Variants in GLP2R observed in about 807,000 individuals in gnomAD.
GLP2R encodes glucagon-like peptide 2 receptor.
In GLP2R, 59 loss-of-function variants were observed where a neutral mutation model predicts 68.2. That is an observed-to-expected ratio of 0.87 (90% confidence interval 0.70 to 1.07). GLP2R has a LOEUF of 1.07. Ranked by LOEUF, GLP2R falls within the 50% of genes least tolerant of loss-of-function variation. The pLI is 0.00. For synonymous variants in GLP2R, 270 were observed against 265.4 expected (o/e 1.02, Z -0.17); for missense variants, 548 against 677.4 (o/e 0.81, Z 2.12).
intron 11 of GLP2R, among the ~76,000 whole-genome samples, chr17:9,882,875 A>G (rs944229137): frequency 3.9e-5 from 6 of 152,002 alleles, no homozygotes; most frequent in Non-Finnish European, 7.4e-5. Context: ...CACTCCAGGG[A>G]TGGGGACTGG....
chr17:9,825,941 C>T lies in GLP2R; in HGVS notation c.-123C>T, dbSNP rs1306109609. 10 of 787,214 alleles carry T rather than the reference C, an allele frequency of 1.3e-5. No individual in the cohort carries two copies. Among genetic ancestry groups the T allele is most frequent in the Non-Finnish European group, 2.0e-5 (10 of 490,422 alleles). The allele number at this position is 787,214 out of a possible 1,614,324, so 48.8% of individuals were successfully genotyped here. Reference sequence around the variant, plus strand: ...ACCGCCTCAGACACTCTCGGCGCAGCGTGGAGAGGATTTGTGCAAACATTT... The same window carrying T: ...ACCGCCTCAGACACTCTCGGCGCAGTGTGGAGAGGATTTGTGCAAACATTT... On this transcript the variant is annotated 5_prime_UTR_variant, in exon 1 of 13. Transcript: ENST00000262441.
In GLP2R at chr17:9,826,162, G is replaced by A. The variant is rs1296676021; in HGVS notation, c.99G>A (p.Gly33=). ...CCATGGGCATCCCTGCCCCCTGGGG[G>A]ACCAGTCCTCTCTCCTTCCACAGGA... ...ELPMGIPAPW[G]TSPLSFHRKC... is the part of the protein sequence containing the mutation. Residue 33 remains glycine (G), a synonymous_variant, in exon 1 of 13, where the codon GGG becomes GGA. Transcript: ENST00000262441. 7 of 1,612,948 alleles carry A rather than the reference G, an allele frequency of 4.3e-6. No individual in the cohort carries two copies. In the East Asian group the frequency reaches 6.7e-5, roughly 15 times the overall value.
intron 4 of GLP2R, among the ~76,000 whole-genome samples, chr17:9,844,446 C>T (rs186851018): frequency 7.0e-4 from 107 of 151,880 alleles, no homozygotes; most frequent in South Asian, 2.7e-3. Context: ...AGGAAGAGAG[C>T]GCCCAGGGGT....
At chr17:9,860,462 A>G (rs1431056410) in intron 7 of GLP2R, among the ~76,000 whole-genome samples, 1 of 152,178 alleles carries the variant, frequency 6.6e-6, no homozygotes, top group Non-Finnish European at 1.5e-5. Context: ...GAGGGTGGGA[A>G]GTTCACCATG....
chr17:9,870,966 G>A, intron 10 of GLP2R, 131 bp downstream of exon 10: 1 of 622,548 alleles, frequency 1.6e-6, no homozygotes, highest in Admixed American at 2.8e-5. Context: ...CTGGGAAGGT[G>A]CTATAGGATC....
At chr17:9,879,137 A>G (rs1490640509) in intron 10 of GLP2R, among the ~76,000 whole-genome samples, 1 of 151,838 alleles carries the variant, frequency 6.6e-6, no homozygotes, top group African/African-American at 2.4e-5. Context: ...ACATCCAGCC[A>G]GGTGCAGTGG....
At chr17:9,847,405 G>A (rs1057094074) in intron 4 of GLP2R, among the ~76,000 whole-genome samples, 26 of 152,112 alleles carry the variant, frequency 1.7e-4, no homozygotes, top group Non-Finnish European at 3.1e-4. Context: ...GAGTAGCTGG[G>A]ACTACAGGGG....
intron 4 of GLP2R, among the ~76,000 whole-genome samples, chr17:9,843,250 G>A (rs554414561): frequency 1.8e-3 from 280 of 152,242 alleles, no homozygotes; most frequent in African/African-American, 6.0e-3. Flanking sequence ...GAAACGAAAC[G>A]TCCCTTATCC....
intron 10 of GLP2R, among the ~76,000 whole-genome samples, chr17:9,871,721 CTT>C (rs372099240): frequency 0.13 from 13,298 of 101,794 alleles, 513 homozygotes; most frequent in East Asian, 0.39. Flanking sequence ...TACTTTCTTT[CTT>C]TTTTTTTTTT....
intron 4 of GLP2R, among the ~76,000 whole-genome samples, chr17:9,847,511 G>A (rs2152035751): frequency 6.6e-6 from 1 of 152,170 alleles, no homozygotes; most frequent in Admixed American, 6.5e-5. Flanking sequence ...CTCGTGATCT[G>A]TCCGCCTCAG....
chr17:9,837,104 C>T (rs950423369), intron 3 of GLP2R, among the ~76,000 whole-genome samples: 26 of 152,138 alleles, frequency 1.7e-4, no homozygotes, highest in African/African-American at 5.6e-4. Context: ...ATCCACCCGC[C>T]TCCGCCTCCC....
At chr17:9,876,223 A>T (rs192094827) in intron 10 of GLP2R, among the ~76,000 whole-genome samples, 3 of 152,326 alleles carry the variant, frequency 2.0e-5, no homozygotes, top group Admixed American at 2.0e-4. Flanking sequence ...TTCTGAAAGG[A>T]CTTTCTGATA....
At chr17:9,859,118 A>G (rs998605895) in intron 6 of GLP2R, among the ~76,000 whole-genome samples, 7 of 152,100 alleles carry the variant, frequency 4.6e-5, no homozygotes, top group African/African-American at 1.7e-4. Context: ...GTTTTATTAT[A>G]TAAGGTTTGG....
At chr17:9,854,452 C>A in intron 4 of GLP2R, 43 bp from the exon 5 acceptor site, 2 of 1,183,290 alleles carry the variant, frequency 1.7e-6, no homozygotes, top group Non-Finnish European at 2.5e-6. Flanking sequence ...GTGGCCATAG[C>A]CCCATGGCTT....
At chr17:9,887,847 G>A (rs1831531775) in intron 11 of GLP2R, 85 bp from the exon 12 acceptor site, 7 of 949,248 alleles carry the variant, frequency 7.4e-6, no homozygotes, top group Non-Finnish European at 1.2e-5. Context: ...CTTACGACCT[G>A]TGCAGGGCTT....
chr17:9,876,455 G>T (rs1286729004), intron 10 of GLP2R, among the ~76,000 whole-genome samples: 1 of 152,228 alleles, frequency 6.6e-6, no homozygotes, highest in South Asian at 2.1e-4. Context: ...CATGGGGGAA[G>T]TATGATTGAA....
Position 9,880,442 on chromosome 17 carries a change from A to G in GLP2R, c.1210A>G (p.Ile404Val). The G allele has an allele frequency of 6.3e-7, 1 of 1,598,934 alleles. No homozygotes were observed. The highest frequency in any genetic ancestry group is 1.1e-5 in the South Asian group (1 of 89,504). The part of the protein sequence containing the change: ...LGVHEILFSF[I>V]TDDQVEGFAK... The stretch of plus-strand genomic sequence containing the variant: ...CGTTCATGAGATCCTCTTCTCTTTC[A>G]TCACTGATGATCAAGTTGAAGGATT... The change falls in exon 11 of 13, where the codon ATC becomes GTC. Residue 404 changes from isoleucine (I) to valine (V), a missense_variant. Coordinates refer to ENST00000262441, the MANE Select transcript of GLP2R (RefSeq NM_004246.3).
At chr17:9,844,371 G>C (rs1182438594) in intron 4 of GLP2R, among the ~76,000 whole-genome samples, 1 of 152,160 alleles carries the variant, frequency 6.6e-6, no homozygotes, top group Non-Finnish European at 1.5e-5. Flanking sequence ...TCGGAGACTG[G>C]GGCCATGCTG....
chr17:9,857,147 C>G (rs959016709), intron 5 of GLP2R, among the ~76,000 whole-genome samples: 3 of 152,178 alleles, frequency 2.0e-5, no homozygotes, highest in African/African-American at 7.2e-5. Flanking sequence ...GTCTCGATCT[C>G]CTGACGTCAT....
Sources: gnomAD v4.1 joint callset for allele counts (sites outside exome capture counted in the v4.1 genomes callset) on GRCh38, gnomAD v4.1.1 for gene constraint, MANE v1.5 for transcripts, NCBI Gene and HGNC (gene_info 2026-07-23, HGNC 2026-07-21) for gene names.